The following CEP63 variants were observed in gnomAD, a reference collection of about 807,000 sequenced individuals.
CEP63 encodes centrosomal protein 63, also known as centrosomal protein of 63 kDa.
Under a neutral mutation model 89.1 loss-of-function variants are expected in CEP63, and 84 were observed. The observed-to-expected ratio is 0.94, with a 90% CI of 0.79 to 1.13. The LOEUF is 1.13. Among genes scored for constraint, CEP63 ranks in the 50% most tolerant of loss-of-function variants. The pLI, the probability that CEP63 is intolerant of heterozygous loss-of-function variation, is 0.00. For missense variants in CEP63, 838 were observed against 813.3 expected, an observed-to-expected ratio of 1.03 and a Z score of -0.37; for synonymous variants, 267 against 272.5, an observed-to-expected ratio of 0.98 and a Z score of 0.20.
At chr3:134,608,471 C>G in the CEP63 span, 1 of 1,532,076 alleles carries the variant, frequency 6.5e-7, no homozygotes. Flanking sequence ...CCCTGATGGC[C>G]TGGGCTGCCT....
chr3:134,504,105 C>A (rs950713060), intron 2 of CEP63, among the ~76,000 whole-genome samples: 10 of 144,498 alleles, frequency 6.9e-5, no homozygotes, highest in African/African-American at 1.1e-4. Context: ...GTAATTTGGT[C>A]TCTCTCTCTT....
At chr3:134,674,387 C>T in the CEP63 span, among the ~76,000 whole-genome samples, 7 of 152,260 alleles carry the variant, frequency 4.6e-5, no homozygotes, top group East Asian at 1.3e-3. Flanking sequence ...CAAAATCTAA[C>T]ATTATTTCAT....
At chr3:134,689,857 G>A in the CEP63 span, among the ~76,000 whole-genome samples, 1 of 152,216 alleles carries the variant, frequency 6.6e-6, no homozygotes, top group Non-Finnish European at 1.5e-5. Flanking sequence ...CCAAAATCAT[G>A]TGTAATTATA....
chr3:134,766,594 G>A, the CEP63 span, among the ~76,000 whole-genome samples: 3 of 152,230 alleles, frequency 2.0e-5, no homozygotes, highest in East Asian at 5.8e-4. Context: ...TCCTAGTGGA[G>A]GGCTGACAGA....
the CEP63 span, among the ~76,000 whole-genome samples, chr3:134,654,077 G>A: frequency 6.6e-6 from 1 of 152,204 alleles, no homozygotes; most frequent in Non-Finnish European, 1.5e-5. Flanking sequence ...AGTCAAAATA[G>A]TTGTATTGTC....
At chr3:134,713,966 G>T in the CEP63 span, among the ~76,000 whole-genome samples, 5 of 152,204 alleles carry the variant, frequency 3.3e-5, no homozygotes, top group African/African-American at 1.2e-4. Context: ...GGCTGGATCC[G>T]CTGTGTGCTG....
rs1167534906 is a variant in CEP63, at chr3:134,557,373, TTTG to T, written c.1468-766_1468-764del. 3.1e-5 allele frequency among the ~76,000 whole-genome samples: 3 copies of T among 96,408 alleles called. No homozygotes were observed. The East Asian group carries it at 1.3e-3, about 43-fold the overall frequency. 63.2% of individuals were successfully genotyped at this position (96,408 alleles called of 152,430 possible). On this transcript the variant is annotated intron_variant, in intron 12 of 14. Coordinates refer to ENST00000675561, the MANE Select transcript of CEP63 (RefSeq NM_001353108.3). ...ACTCTTGACCAGCTTACTTTCATAA[TTTG>T]TTTTTTTTTTTTTTTTTTTTTTTTT...
chr3:134,777,617 T>G, the CEP63 span, among the ~76,000 whole-genome samples: 1 of 144,454 alleles, frequency 6.9e-6, no homozygotes, highest in East Asian at 2.0e-4. Context: ...AATTTTTTTT[T>G]TTTTTTTTTT....
chr3:134,752,504 A>T, the CEP63 span, among the ~76,000 whole-genome samples: 22 of 152,154 alleles, frequency 1.4e-4, no homozygotes, highest in African/African-American at 5.3e-4. Context: ...CTCATTTCGC[A>T]GCGGTGGACA....
At chr3:134,756,150 T>C in the CEP63 span, among the ~76,000 whole-genome samples, 1 of 152,238 alleles carries the variant, frequency 6.6e-6, no homozygotes, top group Non-Finnish European at 1.5e-5. Flanking sequence ...ATTTTGGGTC[T>C]AAATGGCATC....
the CEP63 span, chr3:134,610,453 C>T: frequency 7.3e-7 from 1 of 1,364,240 alleles, no homozygotes; most frequent in Admixed American, 2.0e-5. Context: ...TCCATGGTCT[C>T]AGGTTTCAGG....
chr3:134,627,706 T>C, the CEP63 span: 1 of 1,542,010 alleles, frequency 6.5e-7, no homozygotes, highest in Non-Finnish European at 9.0e-7. Flanking sequence ...TCTATGAGGC[T>C]AAACCCATGT....
the CEP63 span, among the ~76,000 whole-genome samples, chr3:134,647,176 C>T: frequency 6.6e-6 from 1 of 152,228 alleles, no homozygotes; most frequent in Non-Finnish European, 1.5e-5. Context: ...TCCCCTACGG[C>T]TCAGCCAGCA....
chr3:134,693,208 C>A, the CEP63 span, among the ~76,000 whole-genome samples: 1 of 152,190 alleles, frequency 6.6e-6, no homozygotes, highest in East Asian at 1.9e-4. Flanking sequence ...TAGGGAAGCT[C>A]ATTTAGAATA....
At chr3:134,512,970 A>G (rs1293761538) in intron 3 of CEP63, among the ~76,000 whole-genome samples, 1 of 152,212 alleles carries the variant, frequency 6.6e-6, no homozygotes, top group Non-Finnish European at 1.5e-5. Context: ...CATACCTACC[A>G]TTGATTCTTT....
At chr3:134,516,440 GTTCC>G (rs956326082) in intron 3 of CEP63, among the ~76,000 whole-genome samples, 1 of 152,144 alleles carries the variant, frequency 6.6e-6, no homozygotes, top group African/African-American at 2.4e-5. Context: ...GCAAAGAGGT[GTTCC>G]TTCCTCTTTT....
chr3:134,607,424 C>A, the CEP63 span: 1 of 985,650 alleles, frequency 1.0e-6, no homozygotes, highest in African/African-American at 1.7e-5. Context: ...GGCCCACCCA[C>A]AGGCACCCTG....
Position 134,519,431 on chromosome 3 carries a change from G to T in CEP63, c.222+12145G>T, listed in dbSNP as rs545446605. Among the ~76,000 whole-genome samples the T allele has an allele frequency of 2.7e-4, 41 of 152,254 alleles. 1 individual carries two copies. The highest frequency in any genetic ancestry group is 9.9e-4 in the African/African-American group (41 of 41,548). ...TTACAGGCGTGAGCCACCACGCCCG[G>T]CTGAATTGAATTTGTTATTGAAAAA... On this transcript the variant is annotated intron_variant, in intron 3 of 14. Coordinates refer to ENST00000675561, the MANE Select transcript of CEP63 (RefSeq NM_001353108.3).
chr3:134,592,334 C>G (rs971639219), downstream of CEP63, among the ~76,000 whole-genome samples: 71 of 152,312 alleles, frequency 4.7e-4, no homozygotes, highest in African/African-American at 1.7e-3. Context: ...CTGCGACATT[C>G]TATTTGTCAG....
Sources: allele counts gnomAD v4.1 joint callset (sites outside exome capture counted in the v4.1 genomes callset), GRCh38; gene constraint gnomAD v4.1.1; transcripts MANE v1.5; gene names NCBI Gene and HGNC (gene_info 2026-07-23, HGNC 2026-07-21).